The following MAGEB3 variants were observed in gnomAD, a reference collection of about 807,000 sequenced individuals.
The protein encoded by MAGEB3 is MAGE family member B3.
For synonymous variants in MAGEB3, 91 were observed against 93.0 expected (o/e 0.98, Z 0.12); for missense variants, 191 against 262.4 (o/e 0.73, Z 1.88).
At chrX:30,231,984 C>G (rs1476678387) in intron 2 of MAGEB3, among the ~76,000 whole-genome samples, 1 of 111,911 alleles carries the variant, frequency 8.9e-6, no homozygotes, top group Non-Finnish European at 1.9e-5. Context: ...CAGTGGGGTC[C>G]CAGCGTGTCA....
Position 30,233,378 on chromosome X carries a change from C to T in MAGEB3, c.-62+15C>T, listed in dbSNP as rs1378628131. The T allele has an allele frequency of 1.4e-5, 1 of 71,052 alleles. No individual in the cohort carries two copies. The highest frequency in any genetic ancestry group is 2.6e-5 in the Non-Finnish European group (1 of 38,767). The allele number at this position is 71,052 out of a possible 1,213,427, so 5.9% of individuals were successfully genotyped here. A position where few individuals can be genotyped will look rare whatever the true frequency, so the allele number is the denominator to read the frequency against. ...TGGAGGTTGTGGTAAGTCAAGATTGCGCGGCTACACTCCAGCCTGGAAGAC... is the reference window on the plus strand; with the variant it reads ...TGGAGGTTGTGGTAAGTCAAGATTGTGCGGCTACACTCCAGCCTGGAAGAC... On this transcript the variant is annotated intron_variant, in intron 4 of 4. Transcript: ENST00000361644.
At chrX:30,232,022 C>G (rs1320252408) in intron 2 of MAGEB3, among the ~76,000 whole-genome samples, 7 of 112,271 alleles carry the variant, frequency 6.2e-5, no homozygotes, top group Non-Finnish European at 9.4e-5. Context: ...TCGGAGACCC[C>G]GAGCGGGGTG....
chrX:30,232,022 C>A (rs1320252408), intron 2 of MAGEB3, among the ~76,000 whole-genome samples: 2 of 112,218 alleles, frequency 1.8e-5, no homozygotes, highest in South Asian at 3.7e-4. Context: ...TCGGAGACCC[C>A]GAGCGGGGTG....
intron 4 of MAGEB3, among the ~76,000 whole-genome samples, chrX:30,234,172 C>T (rs1601961507): frequency 9.0e-6 from 1 of 111,143 alleles, no homozygotes; most frequent in Admixed American, 9.5e-5. Context: ...ACTTCCCCAT[C>T]CAGGGAGGGA....
chrX:30,230,908 C>T (rs1924759583), intron 1 of MAGEB3, 91 bp downstream of exon 1: 1 of 111,766 alleles, frequency 8.9e-6, no homozygotes, highest in Non-Finnish European at 1.9e-5. Context: ...CTAGGCAGAG[C>T]TATAAAACTG....
intron 2 of MAGEB3, among the ~76,000 whole-genome samples, chrX:30,232,180 G>A (rs57168879): frequency 0.18 from 19,674 of 111,319 alleles, 1,699 homozygotes; most frequent in African/African-American, 0.33. Context: ...GACAATCCAT[G>A]TTTTTAACCC....
Position 30,236,618 on chromosome X carries a change from A to G in MAGEB3, c.694A>G (p.Ile232Val). Residue 232 changes from isoleucine to valine, a missense_variant, in exon 5 of 5, where the codon ATA becomes GTA. By Grantham distance (29) the Ile-to-Val change is conservative. Coordinates refer to ENST00000361644, the MANE Select transcript of MAGEB3 (RefSeq NM_002365.5). ...KIWEFLNKMR[I>V]YDGKKHFIFG... ...CTGGGAATTCCTGAATAAGATGAGA[A>G]TATATGATGGGAAGAAACACTTCAT... 4 of 1,211,379 alleles carry G rather than the reference A, an allele frequency of 3.3e-6. No individual in the cohort carries two copies. The highest frequency in any genetic ancestry group is 4.5e-6 in the Non-Finnish European group (4 of 895,035).
At position 30,236,175 on chromosome X, in the gene MAGEB3, A is replaced by T; in HGVS notation, c.251A>T (p.Lys84Met). 8.3e-7 allele frequency: 1 copy of T among 1,210,484 alleles called. No individual in the cohort carries two copies. Residue 84 changes from lysine to methionine, a missense_variant, in exon 5 of 5, where the codon AAG (lysine) becomes ATG (methionine). Coordinates refer to ENST00000361644, the MANE Select transcript of MAGEB3 (RefSeq NM_002365.5). ...GATGTTTCTTACAAAAAGTCATACA[A>T]GGGAGCCAACAGCAAAATTGAGAAA... ...SVDVSYKKSYKGANSKIEKKQ... is the reference protein window; with the variant it reads ...SVDVSYKKSYMGANSKIEKKQ...
At position 30,234,105 on chromosome X, in the gene MAGEB3, C is replaced by T. The variant is rs751674031; in HGVS notation, c.-62+742C>T. On this transcript the variant is annotated intron_variant, in intron 4 of 4. Transcript: ENST00000361644. The stretch of plus-strand genomic sequence containing the variant: ...TTATTTTTTTTCAGACAAGGTCTCA[C>T]TGCTGCTAGCCAGTTTAGAAGGCTC... Among the ~76,000 whole-genome samples, 23 of 111,603 alleles carry T rather than the reference C, an allele frequency of 2.1e-4. No individual in the cohort carries two copies. In the South Asian group the frequency reaches 8.8e-3, roughly 43 times the overall value.
chrX:30,235,503 A>G (rs777403649), intron 4 of MAGEB3, among the ~76,000 whole-genome samples: 1 of 111,150 alleles, frequency 9.0e-6, no homozygotes, highest in Admixed American at 9.5e-5. Context: ...CATTTGCTGG[A>G]GGTGTCAAAT....
rs753905186 is a variant in MAGEB3 at position 30,236,701 on chromosome X, G to C, written c.777G>C (p.Glu259Asp). 7 of 1,210,829 alleles carry C rather than the reference G, an allele frequency of 5.8e-6. No individual in the cohort carries two copies. The Admixed American group carries it at 1.3e-4, about 23-fold the overall frequency. Reference sequence around the variant, plus strand: ...ATTTGGTGAAGCTTAAATACCTGGAGTACCGACAAGTGCCCAACAGTAATC... The same window carrying C: ...ATTTGGTGAAGCTTAAATACCTGGACTACCGACAAGTGCCCAACAGTAATC... The part of the protein sequence containing the change: ...TQDLVKLKYL[E>D]YRQVPNSNPA... The change falls in exon 5 of 5, where the codon GAG becomes GAC. Residue 259 changes from glutamate (E) to aspartate (D), a missense_variant. Coordinates refer to ENST00000361644, the MANE Select transcript of MAGEB3 (RefSeq NM_002365.5).
chrX:30,231,395 G>C (rs1291610372), intron 1 of MAGEB3, 122 bp from the exon 2 acceptor site: 1 of 108,059 alleles, frequency 9.3e-6, no homozygotes, highest in East Asian at 2.9e-4. Flanking sequence ...GCTTGAACCC[G>C]GGAGGCAGAG....
At position 30,236,919 on chromosome X, in the gene MAGEB3, G is replaced by A. The variant is rs1051956115; in HGVS notation, c.995G>A (p.Gly332Asp). ...CTCAATGATGGCAGTAGTGCCATGG[G>A]CAGAAAGTGTTCCAAGGCCAAGGCT... is the stretch of plus-strand genomic sequence containing the variant. ...AMLNDGSSAM[G>D]RKCSKAKASS... Residue 332 changes from glycine to aspartate, a missense_variant, in exon 5 of 5, where the codon GGC becomes GAC. Physicochemically the swap from Gly to Asp is moderately conservative, Grantham distance 94. Transcript: ENST00000361644. 4 of 1,207,115 alleles carry A rather than the reference G, an allele frequency of 3.3e-6. No homozygotes were observed. The highest frequency in any genetic ancestry group is 4.5e-6 in the Non-Finnish European group (4 of 893,835).
rs751914299 is a variant in MAGEB3, at chrX:30,236,960, G to A, written c.1036G>A (p.Ala346Thr). 1 of 1,186,286 alleles carries A rather than the reference G, an allele frequency of 8.4e-7. No homozygotes were observed. The highest frequency in any genetic ancestry group is 3.0e-5 in the East Asian group (1 of 33,436). Reference sequence around the variant, plus strand: ...GGCCAAGGCTAGCAGCTCTTCCCACGCCTAGTGAAGTTGAAGCAAATTTTG... The same window carrying A: ...GGCCAAGGCTAGCAGCTCTTCCCACACCTAGTGAAGTTGAAGCAAATTTTG... ...SKAKASSSSHA is the reference protein window; with the variant it reads ...SKAKASSSSHT Residue 346 changes from alanine (A) to threonine (T), a missense_variant, in exon 5 of 5, where the codon GCC (alanine) becomes ACC (threonine). Coordinates refer to ENST00000361644, the MANE Select transcript of MAGEB3 (RefSeq NM_002365.5).
intron 1 of MAGEB3, among the ~76,000 whole-genome samples, chrX:30,231,104 C>G (rs1466461048): frequency 2.8e-5 from 3 of 107,126 alleles, no homozygotes; most frequent in Non-Finnish European, 5.8e-5. Context: ...GTTTGGGCCC[C>G]CCCAGGAGTT....
At position 30,236,315 on chromosome X, in the gene MAGEB3, C is replaced by T. The variant is rs973572898; in HGVS notation, c.391C>T (p.Pro131Ser). The T allele has an allele frequency of 2.0e-5, 24 of 1,206,038 alleles. No homozygotes were observed. The Admixed American group carries it at 4.2e-4, about 21-fold the overall frequency. The change falls in exon 5 of 5, where the codon CCC becomes TCC. Residue 131 changes from proline to serine, a missense_variant. Physicochemically the swap from Pro to Ser is moderately conservative, Grantham distance 74. Coordinates refer to ENST00000361644, the MANE Select transcript of MAGEB3 (RefSeq NM_002365.5). ...GATGGAAATGTACAAGATGAAAAAG[C>T]CCATTATGAAAGCAGATATGCTAAA... Reference protein sequence around the residue: ...FLMEMYKMKKPIMKADMLKIV... With the variant: ...FLMEMYKMKKSIMKADMLKIV...
intron 4 of MAGEB3, among the ~76,000 whole-genome samples, chrX:30,235,019 C>G (rs1045516836): frequency 9.0e-6 from 1 of 111,676 alleles, no homozygotes; most frequent in African/African-American, 3.3e-5. Context: ...CGTCAGCCCC[C>G]CTTACTGCCT....
Position 30,230,657 on chromosome X carries a change from A to C in MAGEB3, c.-516A>C, listed in dbSNP as rs2147334610. ...AGCCAGAACAGTGATGTCCCATAGAAACCCGACTCCGCTGTCTGCCCTCAC... is the reference window on the plus strand; with the variant it reads ...AGCCAGAACAGTGATGTCCCATAGACACCCGACTCCGCTGTCTGCCCTCAC... On this transcript the variant is annotated 5_prime_UTR_variant, in exon 1 of 5. Transcript: ENST00000361644. 9.0e-6 allele frequency: 1 copy of C among 110,516 alleles called. No homozygotes were observed. The highest frequency in any genetic ancestry group is 1.9e-5 in the Non-Finnish European group (1 of 52,811). 9.1% of individuals were successfully genotyped at this position (110,516 alleles called of 1,213,427 possible). A position where few individuals can be genotyped will look rare whatever the true frequency, so the allele number is the denominator to read the frequency against.
intron 1 of MAGEB3, among the ~76,000 whole-genome samples, chrX:30,231,293 G>A (rs1207218071): frequency 1.9e-5 from 2 of 105,598 alleles, no homozygotes; most frequent in Admixed American, 1.0e-4. Context: ...GCTCCAGCCT[G>A]GGTGACAGAG....
Sources: gnomAD v4.1 joint callset for allele counts (sites outside exome capture counted in the v4.1 genomes callset) on GRCh38, gnomAD v4.1.1 for gene constraint, MANE v1.5 for transcripts, NCBI Gene and HGNC (gene_info 2026-07-23, HGNC 2026-07-21) for gene names.